ST13: variants seen among roughly 807,000 people sequenced by gnomAD.
ST13 encodes the protein hsc70-interacting protein.
Under a neutral mutation model 56.7 loss-of-function variants are expected in ST13, and 23 were observed. The ratio of observed to expected loss-of-function variants is 0.41; its 90% CI spans 0.29 to 0.57. The LOEUF is 0.57. Among genes scored for constraint, ST13 ranks in the 20% least tolerant of loss-of-function variants. ST13 has a pLI of 0.36. For missense variants in ST13, 369 were observed against 459.9 expected, an observed-to-expected ratio of 0.80 and a Z score of 1.81; for synonymous variants, 132 against 142.4, an observed-to-expected ratio of 0.93 and a Z score of 0.52.
In ST13 at chr22:40,844,821, TC is replaced by T. The variant is rs1352036167; in HGVS notation, c.315+17del. On this transcript the variant is annotated intron_variant, in intron 4 of 11. Coordinates refer to ENST00000216218, the MANE Select transcript of ST13 (RefSeq NM_003932.5). ...CACATTTCTTAGAACAAGCAGGAAA[TC>T]AAGTCACCGAACTTACCTCCGCATT... The T allele has an allele frequency of 1.2e-6, 2 of 1,606,048 alleles. No individual in the cohort carries two copies. Among genetic ancestry groups the T allele is most frequent in the Non-Finnish European group, 1.7e-6 (2 of 1,173,362 alleles).
At chr22:40,837,672 C>T (rs2057784445) in intron 5 of ST13, among the ~76,000 whole-genome samples, 1 of 152,102 alleles carries the variant, frequency 6.6e-6, no homozygotes, top group Admixed American at 6.5e-5. Context: ...TGCTCTGTCA[C>T]CCAGGTTGGA....
At chr22:40,843,750 T>C (rs1035487164) in intron 4 of ST13, among the ~76,000 whole-genome samples, 1 of 151,960 alleles carries the variant, frequency 6.6e-6, no homozygotes, top group Non-Finnish European at 1.5e-5. Context: ...TCCAGAATAT[T>C]GAAATGAAAT....
chr22:40,850,907 T>A, intron 1 of ST13, 27 bp from the exon 2 acceptor site: 1 of 1,562,150 alleles, frequency 6.4e-7, no homozygotes, highest in South Asian at 1.2e-5. Context: ...AAAAAGATAT[T>A]TGTTTAGAAA....
intron 1 of ST13, among the ~76,000 whole-genome samples, chr22:40,853,908 G>A (rs1469069562): frequency 6.6e-6 from 1 of 151,902 alleles, no homozygotes; most frequent in Non-Finnish European, 1.5e-5. Context: ...CTCTAAAAAG[G>A]GAAAAACAAA....
chr22:40,845,172 A>G (rs2057824831), intron 3 of ST13, among the ~76,000 whole-genome samples: 1 of 152,232 alleles, frequency 6.6e-6, no homozygotes, highest in Non-Finnish European at 1.5e-5. Flanking sequence ...ACATAAATAC[A>G]CCACTGATTT....
chr22:40,844,114 C>CCTA (rs2057819086), intron 4 of ST13, among the ~76,000 whole-genome samples: 1 of 151,924 alleles, frequency 6.6e-6, no homozygotes, highest in Non-Finnish European at 1.5e-5. Context: ...AACTCCTGAC[C>CCTA]TTAGATGATC....
chr22:40,835,961 C>A, intron 5 of ST13, 74 bp from the exon 6 acceptor site: 1 of 1,136,144 alleles, frequency 8.8e-7, no homozygotes, highest in South Asian at 1.4e-5. Context: ...ATCTGTTATC[C>A]AGTTAAGTCT....
At chr22:40,836,377 G>A (rs1035394746) in intron 5 of ST13, among the ~76,000 whole-genome samples, 3 of 151,852 alleles carry the variant, frequency 2.0e-5, no homozygotes, top group Non-Finnish European at 2.9e-5. Flanking sequence ...CCCGGGAGGC[G>A]GAGCTTCCAG....
At chr22:40,848,039 C>T (rs956718205) in intron 3 of ST13, among the ~76,000 whole-genome samples, 1 of 151,920 alleles carries the variant, frequency 6.6e-6, no homozygotes, top group Non-Finnish European at 1.5e-5. Context: ...AAGAGCACGA[C>T]TCCATCTCAA....
chr22:40,846,912 T>C (rs917231931), intron 3 of ST13, among the ~76,000 whole-genome samples: 1 of 151,982 alleles, frequency 6.6e-6, no homozygotes, highest in African/African-American at 2.4e-5. Context: ...GGAGACTCGC[T>C]TGAACCCAGG....
In ST13 at chr22:40,856,635, G is replaced by T. The variant is rs540039417; in HGVS notation, c.-95C>A. 2 of 976,484 alleles carry T rather than the reference G, an allele frequency of 2.0e-6. No individual in the cohort carries two copies. The highest frequency in any genetic ancestry group is 3.2e-6 in the Non-Finnish European group (2 of 620,048). The allele number at this position is 976,484 out of a possible 1,614,324, so 60.5% of individuals were successfully genotyped here. A position where few individuals can be genotyped will look rare whatever the true frequency, so the allele number is the denominator to read the frequency against. ...GACCGCGCAGAAGGGGGCGGCTGCC[G>T]CAAGACAGAACAGACTAGAACCTCC... is the stretch of plus-strand genomic sequence containing the variant. On this transcript the variant is annotated 5_prime_UTR_variant, in exon 1 of 12. Coordinates refer to ENST00000216218, the MANE Select transcript of ST13 (RefSeq NM_003932.5).
At chr22:40,849,912 C>CAAA (rs11455161) in intron 2 of ST13, among the ~76,000 whole-genome samples, 124 of 139,696 alleles carry the variant, frequency 8.9e-4, no homozygotes, top group African/African-American at 2.9e-3. Context: ...AGAAAATTTG[C>CAAA]AAAAAAAAAA....
intron 1 of ST13, among the ~76,000 whole-genome samples, chr22:40,855,259 G>A (rs2057884018): frequency 1.3e-5 from 2 of 152,280 alleles, no homozygotes; most frequent in South Asian, 4.1e-4. Flanking sequence ...AGACAAGCCT[G>A]GGCAACTTAA....
intron 5 of ST13, among the ~76,000 whole-genome samples, chr22:40,838,910 AT>A (rs1250592083): frequency 1.4e-3 from 145 of 103,272 alleles, no homozygotes; most frequent in Middle Eastern, 0.01. Flanking sequence ...TATAGCATAA[AT>A]AAAAAAAAAA....
chr22:40,842,953 A>T (rs548445815), intron 4 of ST13, among the ~76,000 whole-genome samples: 1 of 152,280 alleles, frequency 6.6e-6, no homozygotes, highest in South Asian at 2.1e-4. Context: ...AAGAATTTTT[A>T]AAAATAAAAA....
Position 40,840,526 on chromosome 22 carries a change from T to A in ST13, c.382+100A>T, listed in dbSNP as rs947256770. The A allele has an allele frequency of 5.9e-6, 6 of 1,009,290 alleles. No homozygotes were observed. In the South Asian group the frequency reaches 8.4e-5, roughly 14 times the overall value. 62.5% of individuals were successfully genotyped at this position (1,009,290 alleles called of 1,614,324 possible). A position where few individuals can be genotyped will look rare whatever the true frequency, so the allele number is the denominator to read the frequency against. Reference sequence around the variant, plus strand: ...TAATAGGACACTATCTTCTCCAGTATAGGACAGGTACATGTAACTTCTCTT... The same window carrying A: ...TAATAGGACACTATCTTCTCCAGTAAAGGACAGGTACATGTAACTTCTCTT... On this transcript the variant is annotated intron_variant, in intron 5 of 11. Coordinates refer to ENST00000216218, the MANE Select transcript of ST13 (RefSeq NM_003932.5).
intron 1 of ST13, among the ~76,000 whole-genome samples, chr22:40,852,439 G>C (rs1236868518): frequency 6.6e-6 from 1 of 152,164 alleles, no homozygotes; most frequent in Non-Finnish European, 1.5e-5. Context: ...TCAGCTTTAT[G>C]TGTTGCAAAT....
chr22:40,844,084 T>C (rs759779890), intron 4 of ST13, among the ~76,000 whole-genome samples: 1 of 152,028 alleles, frequency 6.6e-6, no homozygotes, highest in Non-Finnish European at 1.5e-5. Context: ...GGTTTCACCA[T>C]GTTGGCCAGG....
At chr22:40,846,182 C>T (rs892814928) in intron 3 of ST13, among the ~76,000 whole-genome samples, 68 of 152,204 alleles carry the variant, frequency 4.5e-4, no homozygotes, top group African/African-American at 1.4e-3. Context: ...GTGGTCCACC[C>T]GCCTCAGCCT....
Sources: gnomAD v4.1 joint callset for allele counts (sites outside exome capture counted in the v4.1 genomes callset) on GRCh38, gnomAD v4.1.1 for gene constraint, MANE v1.5 for transcripts, NCBI Gene and HGNC (gene_info 2026-07-23, HGNC 2026-07-21) for gene names.